Variants in PTPRT observed in about 807,000 individuals in gnomAD.
PTPRT encodes receptor-type tyrosine-protein phosphatase T.
Under a neutral mutation model 176.8 loss-of-function variants are expected in PTPRT, and 56 were observed. That is an observed-to-expected ratio of 0.32 (90% CI 0.26 to 0.40). PTPRT has a LOEUF of 0.40. Among genes scored for constraint, PTPRT ranks in the 10% least tolerant of loss-of-function variants. PTPRT has a pLI of 1.00. For synonymous variants in PTPRT, 783 were observed against 739.0 expected (o/e 1.06, Z -0.96); for missense variants, 1,540 against 1,908.2 (o/e 0.81, Z 3.60).
At chr20:42,421,769 A>G (rs1326317075) in intron 9 of PTPRT, among the ~76,000 whole-genome samples, 1 of 152,196 alleles carries the variant, frequency 6.6e-6, no homozygotes, top group East Asian at 1.9e-4. Flanking sequence ...AAAAGAACAA[A>G]GCTGGAGGCA....
At chr20:43,072,234 A>G (rs1202880990) in intron 1 of PTPRT, among the ~76,000 whole-genome samples, 2 of 152,250 alleles carry the variant, frequency 1.3e-5, no homozygotes, top group Non-Finnish European at 2.9e-5. Context: ...GGCCTTATAG[A>G]CATCATAGTC....
intron 2 of PTPRT, among the ~76,000 whole-genome samples, chr20:42,814,411 G>T (rs945575778): frequency 6.6e-6 from 1 of 152,140 alleles, no homozygotes; most frequent in African/African-American, 2.4e-5. Context: ...CTGAACTCAT[G>T]AATTTTTTTA....
In PTPRT at chr20:42,736,223, G is replaced by C. The variant is rs149798388; in HGVS notation, c.859+20239C>G. Among the ~76,000 whole-genome samples, 532 of 152,268 alleles carry C rather than the reference G, an allele frequency of 3.5e-3. 17 individuals carry two copies. The highest frequency in any genetic ancestry group is 0.03 in the Admixed American group (462 of 15,288). ...GACTTCCCTGCAGGGAAAATACATGGGCTGAATTATAAAATGGTTGATGAA... is the reference window on the plus strand; with the variant it reads ...GACTTCCCTGCAGGGAAAATACATGCGCTGAATTATAAAATGGTTGATGAA... On this transcript the variant is annotated intron_variant, in intron 6 of 30. Transcript: ENST00000373187.
chr20:42,747,401 A>C (rs2076706513), intron 6 of PTPRT, among the ~76,000 whole-genome samples: 1 of 152,218 alleles, frequency 6.6e-6, no homozygotes, highest in South Asian at 2.1e-4. Flanking sequence ...TTCTTCCTCC[A>C]GGAGCTCATG....
chr20:42,660,973 T>A (rs6072817), intron 7 of PTPRT, among the ~76,000 whole-genome samples: 1 of 151,832 alleles, frequency 6.6e-6, no homozygotes, highest in African/African-American at 2.4e-5. Flanking sequence ...TGCCTCAGCC[T>A]CCCAAGTAGC....
chr20:42,545,469 C>T (rs944217400), intron 7 of PTPRT, among the ~76,000 whole-genome samples: 1 of 152,056 alleles, frequency 6.6e-6, no homozygotes, highest in Non-Finnish European at 1.5e-5. Flanking sequence ...CCCACTATGG[C>T]GAGATTCTTT....
chr20:43,077,694 G>T (rs144781059), intron 1 of PTPRT, among the ~76,000 whole-genome samples: 2 of 152,230 alleles, frequency 1.3e-5, no homozygotes, highest in East Asian at 1.9e-4. Flanking sequence ...TCATCCCTGG[G>T]TATATGCAGA....
intron 12 of PTPRT, among the ~76,000 whole-genome samples, chr20:42,305,612 T>C (rs1170919153): frequency 6.6e-6 from 1 of 152,058 alleles, no homozygotes; most frequent in Non-Finnish European, 1.5e-5. Context: ...TGTGTGCACG[T>C]GTGTGTGTGC....
intron 6 of PTPRT, among the ~76,000 whole-genome samples, chr20:42,678,993 T>G (rs1462323539): frequency 1.3e-5 from 2 of 152,194 alleles, no homozygotes; most frequent in African/African-American, 4.8e-5. Flanking sequence ...CCAGCAGGTT[T>G]CTTCCAGCAG....
chr20:42,656,145 A>G (rs563674933), intron 7 of PTPRT, among the ~76,000 whole-genome samples: 2 of 152,228 alleles, frequency 1.3e-5, no homozygotes, highest in Admixed American at 1.3e-4. Context: ...CTCCCTATTG[A>G]CCCTGGTAGA....
intron 7 of PTPRT, among the ~76,000 whole-genome samples, chr20:42,531,411 CCTT>C (rs1161782343): frequency 6.6e-6 from 1 of 152,184 alleles, no homozygotes; most frequent in Non-Finnish European, 1.5e-5. Flanking sequence ...AAATTGATTA[CCTT>C]CTTATTAATT....
At chr20:42,321,279 G>A (rs2057795298) in intron 11 of PTPRT, among the ~76,000 whole-genome samples, 1 of 152,024 alleles carries the variant, frequency 6.6e-6, no homozygotes, top group Admixed American at 6.6e-5. Flanking sequence ...TTACCCAGAG[G>A]GCTTTCAGAA....
At chr20:43,149,631 C>T (rs2014279535) in intron 1 of PTPRT, among the ~76,000 whole-genome samples, 1 of 152,190 alleles carries the variant, frequency 6.6e-6, no homozygotes, top group Admixed American at 6.5e-5. Context: ...TAATTTACCA[C>T]CTCACTCATT....
intron 16 of PTPRT, among the ~76,000 whole-genome samples, chr20:42,185,656 T>C (rs1453782849): frequency 6.6e-6 from 1 of 152,224 alleles, no homozygotes; most frequent in Non-Finnish European, 1.5e-5. Context: ...CAATAGTGTG[T>C]GATGTCAGTT....
intron 9 of PTPRT, among the ~76,000 whole-genome samples, chr20:42,429,346 A>G (rs1434052808): frequency 1.3e-5 from 2 of 152,126 alleles, no homozygotes; most frequent in Non-Finnish European, 2.9e-5. Context: ...ATCGGGGCAG[A>G]GGTATCGTGG....
intron 9 of PTPRT, among the ~76,000 whole-genome samples, chr20:42,411,237 G>A (rs1432766895): frequency 6.6e-6 from 1 of 152,122 alleles, no homozygotes; most frequent in Non-Finnish European, 1.5e-5. Context: ...TTGAGGCCAA[G>A]AGTTTAAGAC....
rs1270719557 is a variant in PTPRT, at chr20:42,979,291, A to G, written c.89-93359T>C. Among the ~76,000 whole-genome samples, 7 of 152,274 alleles carry G rather than the reference A, an allele frequency of 4.6e-5. No homozygotes were observed. In the East Asian group the frequency reaches 1.2e-3, roughly 25 times the overall value. ...CTTTATATATCAAGGATAGTTAGCC[A>G]TTGTGAATCATATTTGCTGTAAATA... On this transcript the variant is annotated intron_variant, in intron 1 of 30. Coordinates refer to ENST00000373187, the MANE Select transcript of PTPRT (RefSeq NM_007050.6).
chr20:42,791,039 G>A (rs1328381748), intron 3 of PTPRT, among the ~76,000 whole-genome samples, 156 bp downstream of exon 3: 6 of 152,198 alleles, frequency 3.9e-5, no homozygotes, highest in African/African-American at 1.4e-4. Flanking sequence ...CAGCGGCTGT[G>A]TTAGGTCACC....
intron 9 of PTPRT, among the ~76,000 whole-genome samples, chr20:42,379,074 G>T (rs1200862386): frequency 6.6e-6 from 1 of 152,184 alleles, no homozygotes; most frequent in Non-Finnish European, 1.5e-5. Context: ...TTTTGAACAT[G>T]TAAGCCTTTG....
Sources: gnomAD v4.1 joint callset for allele counts (sites outside exome capture counted in the v4.1 genomes callset) on GRCh38, gnomAD v4.1.1 for gene constraint, MANE v1.5 for transcripts, NCBI Gene and HGNC (gene_info 2026-07-23, HGNC 2026-07-21) for gene names.